KCNAB1: variants seen among roughly 807,000 people sequenced by gnomAD.
KCNAB1 encodes the protein potassium voltage-gated channel subfamily A regulatory beta subunit 1.
Under a neutral mutation model 64.6 loss-of-function variants are expected in KCNAB1, and 35 were observed. The observed-to-expected ratio is 0.54, with a 90% CI of 0.41 to 0.72. The LOEUF is 0.72. Among genes scored for constraint, KCNAB1 ranks in the 30% least tolerant of loss-of-function variants. The pLI, the probability that KCNAB1 is intolerant of heterozygous loss-of-function variation, is 0.00. For missense variants in KCNAB1, 401 were observed against 512.9 expected (o/e 0.78, Z 2.11); for synonymous variants, 177 against 183.8 (o/e 0.96, Z 0.30).
At chr3:156,456,790 T>G (rs903724666) in intron 3 of KCNAB1, 1 of 152,526 alleles carries the variant, frequency 6.6e-6, no homozygotes, top group East Asian at 1.9e-4. Context: ...ATAGCTATTC[T>G]GTACTCTTCT....
At chr3:156,304,836 G>A (rs1721382823) in intron 1 of KCNAB1, among the ~76,000 whole-genome samples, 2 of 152,190 alleles carry the variant, frequency 1.3e-5, no homozygotes, top group African/African-American at 4.8e-5. Flanking sequence ...ATCATCAGGT[G>A]TTAATAGGTA....
At chr3:156,240,367 T>A (rs1488256092) in intron 1 of KCNAB1, among the ~76,000 whole-genome samples, 1 of 152,130 alleles carries the variant, frequency 6.6e-6, no homozygotes, top group Non-Finnish European at 1.5e-5. Flanking sequence ...ATCAAAATAG[T>A]ACATACTAGT....
chr3:156,373,353 T>C (rs969702315), intron 1 of KCNAB1, among the ~76,000 whole-genome samples: 2 of 152,226 alleles, frequency 1.3e-5, no homozygotes, highest in Non-Finnish European at 2.9e-5. Context: ...ATCACTCTTA[T>C]TGCAGCCAGT....
chr3:156,524,925 T>C (rs899694374), intron 12 of KCNAB1, among the ~76,000 whole-genome samples: 3 of 152,070 alleles, frequency 2.0e-5, no homozygotes, highest in African/African-American at 4.8e-5. Flanking sequence ...CCTAGTGATG[T>C]TGTGGTTATC....
chr3:156,285,021 G>C (rs184043525), intron 1 of KCNAB1, among the ~76,000 whole-genome samples: 1 of 152,230 alleles, frequency 6.6e-6, no homozygotes, highest in Admixed American at 6.5e-5. Flanking sequence ...TTTTTCTGTC[G>C]TATTTTCTTT....
At chr3:156,366,997 A>G (rs1725983057) in intron 1 of KCNAB1, among the ~76,000 whole-genome samples, 1 of 152,208 alleles carries the variant, frequency 6.6e-6, no homozygotes, top group Non-Finnish European at 1.5e-5. Context: ...CACTAAAAGC[A>G]GAAAGTCATA....
intron 8 of KCNAB1, among the ~76,000 whole-genome samples, chr3:156,500,920 G>A (rs1716356220): frequency 1.3e-5 from 2 of 152,094 alleles, no homozygotes; most frequent in Admixed American, 1.3e-4. Context: ...AGAATTTGAG[G>A]GGCTTCACTG....
chr3:156,400,357 G>C (rs1713802840), intron 1 of KCNAB1, among the ~76,000 whole-genome samples: 1 of 152,160 alleles, frequency 6.6e-6, no homozygotes. Context: ...TCAATCGAAG[G>C]CAGCTGCTCT....
intron 2 of KCNAB1, among the ~76,000 whole-genome samples, chr3:156,444,074 A>G (rs1489591087): frequency 1.3e-5 from 2 of 152,230 alleles, no homozygotes; most frequent in Non-Finnish European, 2.9e-5. Flanking sequence ...GCCAAAAATG[A>G]AAGACCAGGC....
intron 1 of KCNAB1, among the ~76,000 whole-genome samples, chr3:156,137,830 A>G (rs542168710): frequency 2.9e-4 from 44 of 151,658 alleles, no homozygotes; most frequent in African/African-American, 1.0e-3. Context: ...TGCTGGGATT[A>G]CAGGCGTGAG....
intron 1 of KCNAB1, among the ~76,000 whole-genome samples, chr3:156,310,585 C>T (rs563798106): frequency 6.6e-5 from 10 of 152,212 alleles, no homozygotes; most frequent in South Asian, 4.2e-4. Flanking sequence ...GGGCAGATCA[C>T]GAGGTCAGGA....
At chr3:156,523,643 C>T (rs1233686567) in intron 11 of KCNAB1, 184 bp from the exon 12 acceptor site, 1 of 613,180 alleles carries the variant, frequency 1.6e-6, no homozygotes, top group Non-Finnish European at 2.9e-6. Flanking sequence ...TGTTTTGAAC[C>T]AATAAACAAG....
chr3:156,515,030 T>C, intron 9 of KCNAB1, 70 bp from the exon 10 acceptor site: 3 of 1,432,974 alleles, frequency 2.1e-6, no homozygotes, highest in Admixed American at 4.6e-5. Flanking sequence ...ACATTTCTCA[T>C]GCATACAAAT....
At chr3:156,169,315 A>G (rs1030353380) in intron 1 of KCNAB1, among the ~76,000 whole-genome samples, 2 of 152,204 alleles carry the variant, frequency 1.3e-5, no homozygotes, top group Admixed American at 6.5e-5. Context: ...ATGAGTTGAA[A>G]TGCTTGAGCT....
chr3:156,237,092 A>G (rs909438748), intron 1 of KCNAB1, among the ~76,000 whole-genome samples: 13 of 152,278 alleles, frequency 8.5e-5, no homozygotes, highest in African/African-American at 3.1e-4. Flanking sequence ...AGTACACACA[A>G]TGTTTGAACA....
At chr3:156,492,728 A>G (rs1715722122) in intron 8 of KCNAB1, among the ~76,000 whole-genome samples, 1 of 152,160 alleles carries the variant, frequency 6.6e-6, no homozygotes, top group Admixed American at 6.6e-5. Context: ...AGATATGAAT[A>G]TATTAATAAG....
chr3:156,312,726 A>AAAAAAAAC, intron 1 of KCNAB1, among the ~76,000 whole-genome samples: 1 of 150,980 alleles, frequency 6.6e-6, no homozygotes. Context: ...AAAAAAAAAA[A>AAAAAAAAC]AAAAACTCAT....
chr3:156,332,998 T>A (rs1410701749), intron 1 of KCNAB1, among the ~76,000 whole-genome samples: 2 of 152,190 alleles, frequency 1.3e-5, no homozygotes, highest in African/African-American at 4.8e-5. Context: ...CCTTGCCAGG[T>A]AAAGCCTCAA....
chr3:156,449,978 A>C (rs1482903947), intron 2 of KCNAB1, among the ~76,000 whole-genome samples: 1 of 152,226 alleles, frequency 6.6e-6, no homozygotes, highest in East Asian at 1.9e-4. Context: ...AGTTAAAAAA[A>C]TCTCTTCTGC....
Sources: gnomAD v4.1 joint callset for allele counts (sites outside exome capture counted in the v4.1 genomes callset) on GRCh38, gnomAD v4.1.1 for gene constraint, MANE v1.5 for transcripts, NCBI Gene and HGNC (gene_info 2026-07-23, HGNC 2026-07-21) for gene names.